The following CCDC88B variants were observed in gnomAD, a reference collection of about 807,000 sequenced individuals.
The protein encoded by CCDC88B is coiled-coil domain-containing protein 88B.
CCDC88B carries 138 observed loss-of-function variants against 183.7 expected under a neutral mutation model. The ratio of observed to expected loss-of-function variants is 0.75; its 90% CI spans 0.65 to 0.87. CCDC88B has a LOEUF of 0.87. Ranked by LOEUF, CCDC88B falls within the 40% of genes least tolerant of loss-of-function variation. The pLI is 0.00. For missense variants in CCDC88B, 1,822 were observed against 1,965.6 expected, an observed-to-expected ratio of 0.93 and a Z score of 1.38; for synonymous variants, 835 against 867.5, an observed-to-expected ratio of 0.96 and a Z score of 0.66.
At chr11:64,346,794 CTTTCTTTTCT>C (rs113652845) in intron 14 of CCDC88B, among the ~76,000 whole-genome samples, 1 of 149,102 alleles carries the variant, frequency 6.7e-6, no homozygotes, top group Non-Finnish European at 1.5e-5. Flanking sequence ...TGGCTAGTTT[CTTTCTTTTCT>C]TTTCTTTTCT....
At position 64,353,202 on chromosome 11, in the gene CCDC88B, C is replaced by T. The variant is rs1239682428; in HGVS notation, c.3649C>T (p.Leu1217=). Reference sequence around the variant, plus strand: ...GCAGCTGCGCGAGTCCAACCAGCAGCTGGACCTGAGCGCCTGCCGGCTGAC... The same window carrying T: ...GCAGCTGCGCGAGTCCAACCAGCAGTTGGACCTGAGCGCCTGCCGGCTGAC... ...SQQLRESNQQ[L]DLSACRLTTQ... The change falls in exon 21 of 27, where the codon CTG becomes TTG. Residue 1217 remains leucine, a synonymous_variant. Transcript: ENST00000356786. The T allele has an allele frequency of 4.4e-6, 7 of 1,574,958 alleles. No homozygotes were observed. Among genetic ancestry groups the T allele is most frequent in the Non-Finnish European group, 8.6e-7 (1 of 1,160,070 alleles).
chr11:64,343,441 C>T (rs1234698365), intron 11 of CCDC88B, 66 bp from the exon 12 acceptor site: 2 of 1,543,280 alleles, frequency 1.3e-6, no homozygotes, highest in Non-Finnish European at 1.8e-6. Context: ...TCTAGTGACC[C>T]TCCGACCTAC....
Position 64,357,492 on chromosome 11 carries a change from G to A in CCDC88B, c.*398G>A, listed in dbSNP as rs1164957056. The A allele has an allele frequency of 9.9e-6, 7 of 708,070 alleles. No individual in the cohort carries two copies. The highest frequency in any genetic ancestry group is 1.6e-5 in the Non-Finnish European group (6 of 379,172). The allele number at this position is 708,070 out of a possible 1,614,324, so 43.9% of individuals were successfully genotyped here. ...CTGGGCTGATCTTGAGCCTTAACTG[G>A]ACATGAGGGGCATGAGAATAAAGCT... is the stretch of plus-strand genomic sequence containing the variant. On this transcript the variant is annotated 3_prime_UTR_variant, in exon 27 of 27. Coordinates refer to ENST00000356786, the MANE Select transcript of CCDC88B (RefSeq NM_032251.6).
At position 64,353,459 on chromosome 11, in the gene CCDC88B, A is replaced by T; in HGVS notation, c.3796A>T (p.Ser1266Cys). The T allele has an allele frequency of 6.2e-7, 1 of 1,612,560 alleles. No individual in the cohort carries two copies. The highest frequency in any genetic ancestry group is 8.5e-7 in the Non-Finnish European group (1 of 1,179,914). Reference sequence around the variant, plus strand: ...GGAGCTCCTGGAGCGCAGCCTGGAGAGTCGGGACCACCTGCACCGCGAACA... The same window carrying T: ...GGAGCTCCTGGAGCGCAGCCTGGAGTGTCGGGACCACCTGCACCGCGAACA... ...NRELLERSLE[S>C]RDHLHREQRE... The change falls in exon 22 of 27, where the codon AGT (serine) becomes TGT (cysteine). Residue 1266 changes from serine to cysteine, a missense_variant. By Grantham distance (112) the Ser-to-Cys change is moderately radical. Coordinates refer to ENST00000356786, the MANE Select transcript of CCDC88B (RefSeq NM_032251.6).
In CCDC88B at chr11:64,341,051, A is replaced by AG. The variant is rs758741805; in HGVS notation, c.318+37dup. ...GTCTCGAGGGAAAGGCGGAGACAGG[A>AG]GGGGAAGAGGAGCCCCTTCGGGAAG... On this transcript the variant is annotated intron_variant, in intron 3 of 26. Transcript: ENST00000356786. 5 of 1,613,382 alleles carry AG rather than the reference A, an allele frequency of 3.1e-6. No individual in the cohort carries two copies. In the African/African-American group the frequency reaches 6.7e-5, roughly 22 times the overall value.
rs780372875 is a variant in CCDC88B, at chr11:64,341,436, C to T, written c.463C>T (p.Leu155Phe). 7.4e-6 allele frequency: 12 copies of T among 1,613,982 alleles called. No individual in the cohort carries two copies. In the South Asian group the frequency reaches 1.2e-4, roughly 16 times the overall value. Reference sequence around the variant, plus strand: ...CTCCCCTCAGTGTGAGCACCGGGAACTCTTCATCCGCCACATCCAGGGCCT... The same window carrying T: ...CTCCCCTCAGTGTGAGCACCGGGAATTCTTCATCCGCCACATCCAGGGCCT... ...GASVQCEHRE[L>F]FIRHIQGLSL... Residue 155 changes from leucine to phenylalanine, a missense_variant, in exon 6 of 27, where the codon CTC becomes TTC. Coordinates refer to ENST00000356786, the MANE Select transcript of CCDC88B (RefSeq NM_032251.6).
In CCDC88B at chr11:64,340,893, C is replaced by T. The variant is rs752203800; in HGVS notation, c.207-14C>T. 6.5e-7 allele frequency: 1 copy of T among 1,541,914 alleles called. No homozygotes were observed. The highest frequency in any genetic ancestry group is 8.7e-7 in the Non-Finnish European group (1 of 1,144,062). Reference sequence around the variant, plus strand: ...GACGGGAGGCGGGTCCTCGAGCCCACCTCCGGCTCATAGTGCCCCCAGCTC... The same window carrying T: ...GACGGGAGGCGGGTCCTCGAGCCCATCTCCGGCTCATAGTGCCCCCAGCTC... On this transcript the variant is annotated splice_polypyrimidine_tract_variant and intron_variant, in intron 2 of 26. Coordinates refer to ENST00000356786, the MANE Select transcript of CCDC88B (RefSeq NM_032251.6).
intron 10 of CCDC88B, 137 bp from the exon 11 acceptor site, chr11:64,343,042 G>A (rs2035948051): frequency 1.0e-6 from 1 of 1,004,226 alleles, no homozygotes; most frequent in Non-Finnish European, 1.4e-6. Context: ...GAGTGGCGGG[G>A]CCTAGAGACT....
chr11:64,340,920 C>G lies in CCDC88B; in HGVS notation c.220C>G (p.Arg74Gly), dbSNP rs376690430. 1.6e-5 allele frequency: 25 copies of G among 1,558,344 alleles called. No individual in the cohort carries two copies. The highest frequency in any genetic ancestry group is 1.6e-5 in the Non-Finnish European group (18 of 1,151,630). The change falls in exon 3 of 27, where the codon CGA becomes GGA. Residue 74 changes from arginine to glycine, a missense_variant. Transcript: ENST00000356786. ...TCCGGCTCATAGTGCCCCCAGCTCC[C>G]GAGGGGGACCTCGGATGCTCAGAGG... is the stretch of plus-strand genomic sequence containing the variant. ...RVLGIIAPSSRGGPRMLRGLD... is the reference protein window; with the variant it reads ...RVLGIIAPSSGGGPRMLRGLD...
chr11:64,353,559 C>T, intron 22 of CCDC88B, 63 bp downstream of exon 22: 4 of 1,585,578 alleles, frequency 2.5e-6, no homozygotes, highest in African/African-American at 1.3e-5. Context: ...CTGGGGAGAG[C>T]CCTTAGTGAG....
intron 17 of CCDC88B, 51 bp from the exon 18 acceptor site, chr11:64,351,425 C>T: frequency 6.4e-7 from 1 of 1,551,754 alleles, no homozygotes; most frequent in South Asian, 1.2e-5. Context: ...GTGGTAGGCA[C>T]TAGGGGGTGC....
chr11:64,350,802 A>C, intron 16 of CCDC88B: 1 of 173,378 alleles, frequency 5.8e-6, no homozygotes, highest in Non-Finnish European at 1.2e-5. Flanking sequence ...CCCGGGAGGC[A>C]GAGGTTGCAG....
intron 14 of CCDC88B, chr11:64,348,841 C>A: frequency 1.7e-6 from 1 of 604,204 alleles, no homozygotes; most frequent in South Asian, 1.9e-5. Flanking sequence ...CTGGCAGCAT[C>A]CTGGCGCCCC....
chr11:64,344,563 G>A lies in CCDC88B; in HGVS notation c.2022G>A (p.Thr674=). ...EGPNQGLDLA[T]GQAEAREHDQ... Reference sequence around the variant, plus strand: ...CAAACCAGGGCCTGGACCTGGCCACGGGACAAGCAGAGGCCAGAGAGCATG... The same window carrying A: ...CAAACCAGGGCCTGGACCTGGCCACAGGACAAGCAGAGGCCAGAGAGCATG... Residue 674 remains threonine, a synonymous_variant, in exon 14 of 27, where the codon ACG becomes ACA. Transcript: ENST00000356786. This position sits in a 1 kb window ranked among gnomAD's most constrained non-coding sequence, Gnocchi z 4.5. 8.7e-6 allele frequency: 14 copies of A among 1,605,856 alleles called. No homozygotes were observed. Among genetic ancestry groups the A allele is most frequent in the Non-Finnish European group, 1.2e-5 (14 of 1,176,148 alleles).
At chr11:64,349,722 A>G in intron 16 of CCDC88B, 54 bp downstream of exon 16, 1 of 1,467,796 alleles carries the variant, frequency 6.8e-7, no homozygotes, top group Non-Finnish European at 9.4e-7. Flanking sequence ...CCTCCATCCC[A>G]TGAGCAGATG....
In CCDC88B at chr11:64,342,155, C is replaced by A; in HGVS notation, c.821+16C>A. ...GGCAGGAGCTGTGAGTGTGCGCAGC[C>A]TGGGAAGGGGACTGAGTGGAGAGGG... On this transcript the variant is annotated intron_variant, in intron 8 of 26. Coordinates refer to ENST00000356786, the MANE Select transcript of CCDC88B (RefSeq NM_032251.6). 6.2e-7 allele frequency: 1 copy of A among 1,605,872 alleles called. No individual in the cohort carries two copies. Among genetic ancestry groups the A allele is most frequent in the Non-Finnish European group, 8.5e-7 (1 of 1,177,328 alleles).
chr11:64,352,952 G>A, intron 20 of CCDC88B, 65 bp downstream of exon 20: 3 of 1,510,316 alleles, frequency 2.0e-6, no homozygotes, highest in African/African-American at 2.8e-5. Context: ...GGTTGGGGGT[G>A]TGGGGTCCTG....
intron 14 of CCDC88B, among the ~76,000 whole-genome samples, chr11:64,346,595 C>T (rs2036115773): frequency 6.6e-6 from 1 of 151,986 alleles, no homozygotes; most frequent in African/African-American, 2.4e-5. Context: ...CACCCGCTCC[C>T]GCACTCGGCT....
chr11:64,349,593 G>A lies in CCDC88B; in HGVS notation c.2787G>A (p.Ala929=). 3.1e-6 allele frequency: 5 copies of A among 1,601,302 alleles called. No homozygotes were observed. Among genetic ancestry groups the A allele is most frequent in the African/African-American group, 1.3e-5 (1 of 74,934 alleles). ...LEQRLEAELQ[A]AATSKEEALM... ...AGCGGCTGGAAGCTGAGCTGCAGGCGGCGGCGACCAGCAAGGAGGAGGCGC... is the reference window on the plus strand; with the variant it reads ...AGCGGCTGGAAGCTGAGCTGCAGGCAGCGGCGACCAGCAAGGAGGAGGCGC... The change falls in exon 16 of 27, where the codon GCG becomes GCA. Residue 929 remains alanine (A), a synonymous_variant. Coordinates refer to ENST00000356786, the MANE Select transcript of CCDC88B (RefSeq NM_032251.6).
Sources: gnomAD v4.1 joint callset for allele counts (sites outside exome capture counted in the v4.1 genomes callset) on GRCh38, gnomAD v4.1.1 for gene constraint, Gnocchi (gnomAD v3.1) non-coding constraint, MANE v1.5 for transcripts, NCBI Gene and HGNC (gene_info 2026-07-23, HGNC 2026-07-21) for gene names.